The following MTFR1 variants were observed in gnomAD, a reference collection of about 807,000 sequenced individuals.
MTFR1 encodes the protein chondrocyte protein with a poly-proline region.
A neutral mutation model predicts 38.8 loss-of-function variants in MTFR1; 28 were observed. The ratio of observed to expected loss-of-function variants is 0.72; its 90% CI spans 0.53 to 0.99. The LOEUF (loss-of-function observed/expected upper bound fraction) is 0.99. MTFR1 is among the 50% of genes least tolerant of loss of function. The pLI, the probability that MTFR1 is intolerant of heterozygous loss-of-function variation, is 0.00. For missense variants in MTFR1, 358 were observed against 395.5 expected (o/e 0.91, Z 0.81); for synonymous variants, 145 against 137.0 (o/e 1.06, Z -0.41).
intron 3 of MTFR1, among the ~76,000 whole-genome samples, chr8:65,729,664 A>G (rs1806758871): frequency 6.6e-6 from 1 of 151,054 alleles, no homozygotes; most frequent in Non-Finnish European, 1.5e-5. Context: ...CCCAGGTTCA[A>G]TCGATTCTCT....
chr8:65,697,934 T>C (rs952056116), intron 4 of MTFR1, among the ~76,000 whole-genome samples: 1 of 152,210 alleles, frequency 6.6e-6, no homozygotes, highest in Non-Finnish European at 1.5e-5. Context: ...ATAAATATTT[T>C]CTCCTACTCT....
intron 3 of MTFR1, among the ~76,000 whole-genome samples, chr8:65,744,560 C>G (rs1807587179): frequency 6.6e-6 from 1 of 152,116 alleles, no homozygotes; most frequent in South Asian, 2.1e-4. Flanking sequence ...TCCCCCAAAC[C>G]ACCCATACTC....
At chr8:65,696,569 CCTT>C (rs899363276) in intron 4 of MTFR1, among the ~76,000 whole-genome samples, 87 of 152,312 alleles carry the variant, frequency 5.7e-4, no homozygotes, top group African/African-American at 1.9e-3. Context: ...AACCTCAACT[CCTT>C]CTTAATGGCT....
intron 4 of MTFR1, among the ~76,000 whole-genome samples, chr8:65,699,702 C>T (rs994417878): frequency 6.6e-6 from 1 of 152,184 alleles, no homozygotes; most frequent in Non-Finnish European, 1.5e-5. Context: ...CTCTGTTTGT[C>T]CAAGTGGGAG....
chr8:65,727,756 G>C (rs1381600940), intron 3 of MTFR1: 2 of 153,908 alleles, frequency 1.3e-5, no homozygotes, highest in African/African-American at 4.8e-5. Flanking sequence ...AAGATGTAAG[G>C]TTATTCCTTT....
At chr8:65,694,258 A>G (rs1256085533) in intron 4 of MTFR1, among the ~76,000 whole-genome samples, 1 of 151,868 alleles carries the variant, frequency 6.6e-6, no homozygotes, top group Non-Finnish European at 1.5e-5. Context: ...TATTTTTAGT[A>G]GAGATGGGGT....
downstream of MTFR1, among the ~76,000 whole-genome samples, chr8:65,773,965 CTT>C (rs1809184994): frequency 6.6e-6 from 1 of 152,146 alleles, no homozygotes. Context: ...AGACTTAACT[CTT>C]TTACTGATTT....
chr8:65,674,319 T>A (rs75754368), intron 2 of MTFR1, among the ~76,000 whole-genome samples: 3 of 150,642 alleles, frequency 2.0e-5, no homozygotes, highest in African/African-American at 2.4e-5. Flanking sequence ...TTTTTTTTTT[T>A]AAAGAAAAAA....
chr8:65,771,884 CAAAAAAA>C (rs36101490), downstream of MTFR1, among the ~76,000 whole-genome samples: 1 of 55,836 alleles, frequency 1.8e-5, no homozygotes, highest in Non-Finnish European at 3.7e-5. Flanking sequence ...CTCCATCTCT[CAAAAAAA>C]AAAAAAAAAA....
intron 4 of MTFR1, among the ~76,000 whole-genome samples, chr8:65,701,698 C>A (rs1805615561): frequency 6.6e-6 from 1 of 152,162 alleles, no homozygotes; most frequent in Admixed American, 6.5e-5. Context: ...TGATATCCAG[C>A]TTAATTTTTC....
At chr8:65,723,829 G>C (rs906021710) in intron 3 of MTFR1, among the ~76,000 whole-genome samples, 1 of 152,118 alleles carries the variant, frequency 6.6e-6, no homozygotes, top group Middle Eastern at 3.2e-3. Context: ...TAAATGCAAG[G>C]TGTTACCCCA....
intron 3 of MTFR1, among the ~76,000 whole-genome samples, chr8:65,686,637 A>G (rs1171307047): frequency 3.5e-5 from 5 of 144,564 alleles, no homozygotes; most frequent in Non-Finnish European, 7.5e-5. Context: ...CTAACTGAGT[A>G]TGGCTGGGCA....
chr8:65,710,249 T>G lies in MTFR1; in HGVS notation c.*1205T>G, dbSNP rs999668847. 6.6e-6 allele frequency: 1 copy of G among 152,200 alleles called. No homozygotes were observed. Among genetic ancestry groups the G allele is most frequent in the Non-Finnish European group, 1.5e-5 (1 of 68,028 alleles). 9.4% of individuals were successfully genotyped at this position (152,200 alleles called of 1,614,324 possible). A position where few individuals can be genotyped will look rare whatever the true frequency, so the allele number is the denominator to read the frequency against. ...GAGTATTAGGAGATGGGAGTAGAGA[T>G]TCACTTTTAAGTTCTTGAAAATATA... On this transcript the variant is annotated 3_prime_UTR_variant, in exon 8 of 8. Transcript: ENST00000262146.
rs369233827 is a variant in MTFR1, at chr8:65,670,707, CT to C, written c.66+703del. On this transcript the variant is annotated intron_variant, in intron 2 of 7. Transcript: ENST00000262146. ...GTTACATAATTTGAATGTGGGTATA[CT>C]TTTTTTTTTTTTTGAACAGGGAGTC... Among the ~76,000 whole-genome samples the C allele has an allele frequency of 7.1e-3, 1,030 of 144,342 alleles. 4 individuals carry two copies. The highest frequency in any genetic ancestry group is 0.022 in the African/African-American group (882 of 39,326). The allele number at this position is 144,342 out of a possible 152,430, so 94.7% of individuals were successfully genotyped here.
chr8:65,661,861 G>T (rs752723309), intron 1 of MTFR1, among the ~76,000 whole-genome samples: 13 of 152,022 alleles, frequency 8.6e-5, no homozygotes, highest in Admixed American at 2.0e-4. Context: ...CTACTTGGGA[G>T]GCTGAGGTGG....
chr8:65,662,135 C>T (rs1488519379), intron 1 of MTFR1, among the ~76,000 whole-genome samples: 2 of 149,342 alleles, frequency 1.3e-5, no homozygotes, highest in African/African-American at 2.5e-5. Context: ...CCACGGTCTC[C>T]CTCTGATGCC....
At chr8:65,681,652 T>C (rs974476581) in intron 2 of MTFR1, among the ~76,000 whole-genome samples, 4 of 151,204 alleles carry the variant, frequency 2.6e-5, no homozygotes, top group Non-Finnish European at 5.9e-5. Context: ...ATTCAACACA[T>C]GTGCTTTTTG....
chr8:65,733,395 T>C (rs1038677315), intron 3 of MTFR1, among the ~76,000 whole-genome samples: 2 of 152,168 alleles, frequency 1.3e-5, no homozygotes, highest in Non-Finnish European at 2.9e-5. Context: ...TGATTACTCA[T>C]CAATCTCTCC....
chr8:65,695,758 T>C (rs1224747230), intron 4 of MTFR1, among the ~76,000 whole-genome samples: 1 of 152,202 alleles, frequency 6.6e-6, no homozygotes, highest in Non-Finnish European at 1.5e-5. Flanking sequence ...CTGTGAGATA[T>C]TCACCTTGAT....
Sources: allele counts gnomAD v4.1 joint callset (sites outside exome capture counted in the v4.1 genomes callset), GRCh38; gene constraint gnomAD v4.1.1; transcripts MANE v1.5; gene names NCBI Gene and HGNC (gene_info 2026-07-23, HGNC 2026-07-21).